The following TBC1D5 variants were observed in gnomAD, a reference collection of about 807,000 sequenced individuals.
TBC1D5 encodes TBC1 domain family member 5.
Under a neutral mutation model 100.3 loss-of-function variants are expected in TBC1D5, and 75 were observed. The ratio of observed to expected loss-of-function variants is 0.75; its 90% CI spans 0.62 to 0.91. TBC1D5 has a LOEUF of 0.91. Among genes scored for constraint, TBC1D5 ranks in the 40% least tolerant of loss-of-function variants. The pLI is 0.00. For missense variants in TBC1D5, 910 were observed against 942.4 expected (o/e 0.97, Z 0.45); for synonymous variants, 323 against 325.6 (o/e 0.99, Z 0.09).
intron 3 of TBC1D5, among the ~76,000 whole-genome samples, chr3:17,435,583 T>G (rs2094520958): frequency 6.6e-6 from 1 of 152,208 alleles, no homozygotes; most frequent in Non-Finnish European, 1.5e-5. Flanking sequence ...TGGGGGTAAC[T>G]GCCCCCATTA....
At chr3:17,327,800 T>C (rs1021359054) in intron 13 of TBC1D5, among the ~76,000 whole-genome samples, 10 of 152,216 alleles carry the variant, frequency 6.6e-5, no homozygotes, top group Non-Finnish European at 1.5e-4. Context: ...GCATGAATTT[T>C]TCTGTGTGTT....
At chr3:17,405,830 C>T (rs1460936948) in intron 5 of TBC1D5, among the ~76,000 whole-genome samples, 1 of 151,916 alleles carries the variant, frequency 6.6e-6, no homozygotes, top group East Asian at 1.9e-4. Flanking sequence ...GAGTCTAAAC[C>T]TAAATAAATT....
intron 1 of TBC1D5, among the ~76,000 whole-genome samples, chr3:17,728,612 G>A (rs905458713): frequency 6.6e-6 from 1 of 152,024 alleles, no homozygotes; most frequent in Non-Finnish European, 1.5e-5. Flanking sequence ...TAAAGGTGGT[G>A]CTTCAAATCT....
At chr3:17,604,328 T>C (rs1399824333) in intron 2 of TBC1D5, among the ~76,000 whole-genome samples, 2 of 152,186 alleles carry the variant, frequency 1.3e-5, no homozygotes, top group Admixed American at 1.3e-4. Flanking sequence ...AGACTAGACA[T>C]CCTTCACATT....
chr3:17,535,023 A>G (rs1015954458), intron 2 of TBC1D5, among the ~76,000 whole-genome samples: 6 of 152,218 alleles, frequency 3.9e-5, no homozygotes, highest in Non-Finnish European at 8.8e-5. Flanking sequence ...GTAAGTTTTT[A>G]ATTCACCTAA....
intron 15 of TBC1D5, among the ~76,000 whole-genome samples, chr3:17,286,578 G>C (rs283919): frequency 0.41 from 61,629 of 151,990 alleles, 13,130 homozygotes; most frequent in Middle Eastern, 0.51. Context: ...GCTAAGTACA[G>C]AAGTTGTATT....
At chr3:17,201,828 A>C (rs1657727413) in intron 18 of TBC1D5, among the ~76,000 whole-genome samples, 2 of 152,170 alleles carry the variant, frequency 1.3e-5, no homozygotes, top group South Asian at 4.1e-4. Flanking sequence ...AGCATCTGGA[A>C]CTTTGAGCCA....
chr3:17,411,785 G>A (rs924470753), intron 4 of TBC1D5, among the ~76,000 whole-genome samples: 25 of 152,076 alleles, frequency 1.6e-4, no homozygotes, highest in Non-Finnish European at 3.5e-4. Context: ...CCTTGATTAC[G>A]GTGTTGGTAT....
At chr3:17,384,575 T>C (rs992238364) in intron 8 of TBC1D5, among the ~76,000 whole-genome samples, 6 of 151,834 alleles carry the variant, frequency 4.0e-5, no homozygotes, top group African/African-American at 1.5e-4. Context: ...ACACAATGAA[T>C]GTATAAGGGC....
intron 16 of TBC1D5, among the ~76,000 whole-genome samples, chr3:17,247,109 T>A (rs74387662): frequency 0.064 from 9,706 of 152,188 alleles, 572 homozygotes; most frequent in East Asian, 0.18. Flanking sequence ...ACATGGGCAT[T>A]CCATGCCTAC....
At chr3:17,537,673 G>A (rs1202552847) in intron 2 of TBC1D5, among the ~76,000 whole-genome samples, 1 of 152,024 alleles carries the variant, frequency 6.6e-6, no homozygotes, top group Non-Finnish European at 1.5e-5. Context: ...TTGTCTTTTT[G>A]TGACTGGCTT....
intron 3 of TBC1D5, among the ~76,000 whole-genome samples, chr3:17,503,146 T>C (rs1445072746): frequency 6.7e-6 from 1 of 149,768 alleles, no homozygotes; most frequent in Non-Finnish European, 1.5e-5. Flanking sequence ...TTCATCCTAG[T>C]CTTCAGTCTT....
At position 17,669,005 on chromosome 3, in the gene TBC1D5, G is replaced by C. The variant is rs116676289; in HGVS notation, c.-100-45092C>G. Among the ~76,000 whole-genome samples the C allele has an allele frequency of 9.2e-3, 1,394 of 152,196 alleles. 8 individuals are homozygous for C. Among genetic ancestry groups the C allele is most frequent in the Non-Finnish European group, 0.015 (1,004 of 68,000 alleles). On this transcript the variant is annotated intron_variant, in intron 1 of 21. Transcript: ENST00000253692. Reference sequence around the variant, plus strand: ...ATCATGACTGATACTGTTTGGTTCTGTGTCCCCACCCAAATCTCACCTTGA... The same window carrying C: ...ATCATGACTGATACTGTTTGGTTCTCTGTCCCCACCCAAATCTCACCTTGA...
intron 3 of TBC1D5, among the ~76,000 whole-genome samples, chr3:17,445,119 T>C (rs1157334215): frequency 6.6e-6 from 1 of 152,202 alleles, no homozygotes; most frequent in African/African-American, 2.4e-5. Flanking sequence ...CTACAGACCA[T>C]ATTTCACATC....
chr3:17,683,282 AT>A (rs944374656), intron 1 of TBC1D5, among the ~76,000 whole-genome samples: 4 of 151,072 alleles, frequency 2.6e-5, no homozygotes, highest in Admixed American at 6.6e-5. Context: ...TGATAACATT[AT>A]TTTTTTTAAG....
chr3:17,628,197 C>A (rs1276994469), intron 1 of TBC1D5, among the ~76,000 whole-genome samples: 1 of 151,988 alleles, frequency 6.6e-6, no homozygotes, highest in African/African-American at 2.4e-5. Flanking sequence ...GGCGAAACCC[C>A]TTCTCTACTA....
chr3:17,327,542 T>C (rs1270782767), intron 13 of TBC1D5, among the ~76,000 whole-genome samples: 2 of 152,202 alleles, frequency 1.3e-5, no homozygotes, highest in Admixed American at 1.3e-4. Context: ...CCTTTGTACT[T>C]GCAATGCCAT....
intron 1 of TBC1D5, among the ~76,000 whole-genome samples, chr3:17,701,168 T>C (rs956493448): frequency 3.3e-5 from 5 of 152,164 alleles, no homozygotes; most frequent in African/African-American, 1.2e-4. Context: ...GATGAGTTCA[T>C]GTCCTTTGCA....
intron 15 of TBC1D5, among the ~76,000 whole-genome samples, chr3:17,264,172 T>G (rs992163313): frequency 6.6e-6 from 1 of 152,042 alleles, no homozygotes; most frequent in Non-Finnish European, 1.5e-5. Flanking sequence ...ATAAAAATAT[T>G]TAAATGCTAA....
Sources: allele counts gnomAD v4.1 joint callset (sites outside exome capture counted in the v4.1 genomes callset), GRCh38; gene constraint gnomAD v4.1.1; transcripts MANE v1.5; gene names NCBI Gene and HGNC (gene_info 2026-07-23, HGNC 2026-07-21).